PCLO: variants seen among roughly 807,000 people sequenced by gnomAD.
PCLO encodes the protein piccolo presynaptic cytomatrix protein.
In PCLO, 82 loss-of-function variants were observed where a neutral mutation model predicts 427.5. That is an observed-to-expected ratio of 0.19 (90% CI 0.16 to 0.23). PCLO has a LOEUF of 0.23. PCLO is among the 10% of genes least tolerant of loss of function. The pLI is 1.00. For synonymous variants in PCLO, 2,357 were observed against 2,155.4 expected, an observed-to-expected ratio of 1.09 and a Z score of -2.59; for missense variants, 6,239 against 6,115.9, an observed-to-expected ratio of 1.02 and a Z score of -0.67.
chr7:83,025,623 G>A (rs539814727), intron 3 of PCLO, among the ~76,000 whole-genome samples: 40 of 152,026 alleles, frequency 2.6e-4, no homozygotes, highest in East Asian at 7.8e-4. Context: ...GATACTCCTC[G>A]AGAAGAGCAA....
chr7:82,899,189 T>C lies in PCLO; in HGVS notation c.13528+3462A>G, dbSNP rs150159799. The stretch of plus-strand genomic sequence containing the variant: ...CAATTTAAAAAATACATAAACTCAA[T>C]TAAAACATTAACATATAAATGAAAG... On this transcript the variant is annotated intron_variant, in intron 9 of 24. Coordinates refer to ENST00000333891, the MANE Select transcript of PCLO (RefSeq NM_033026.6). Among the ~76,000 whole-genome samples, 486 of 151,488 alleles carry C rather than the reference T, an allele frequency of 3.2e-3. 3 individuals carry two copies. Among genetic ancestry groups the C allele is most frequent in the African/African-American group, 0.012 (477 of 41,468 alleles).
chr7:82,934,941 ATCAC>A (rs1351926332), intron 6 of PCLO, among the ~76,000 whole-genome samples: 1 of 151,476 alleles, frequency 6.6e-6, no homozygotes, highest in Admixed American at 6.6e-5. Context: ...CTCTAATAGT[ATCAC>A]TCAAAGTTCC....
chr7:83,012,326 A>G (rs1788101321), intron 3 of PCLO, among the ~76,000 whole-genome samples: 1 of 152,064 alleles, frequency 6.6e-6, no homozygotes, highest in African/African-American at 2.4e-5. Flanking sequence ...ATTGTTTTTA[A>G]GGAAAAGCCA....
chr7:83,124,683 A>T (rs1300417309), intron 3 of PCLO, among the ~76,000 whole-genome samples: 1 of 152,144 alleles, frequency 6.6e-6, no homozygotes, highest in Non-Finnish European at 1.5e-5. Flanking sequence ...AAAGAAAGGG[A>T]ATATGTGTAT....
intron 8 of PCLO, among the ~76,000 whole-genome samples, chr7:82,907,346 CA>C (rs1290861789): frequency 6.6e-6 from 1 of 151,798 alleles, no homozygotes; most frequent in Non-Finnish European, 1.5e-5. Flanking sequence ...CACTAAACTT[CA>C]GAGAAACAAA....
In PCLO at chr7:82,830,334, T is replaced by A. The variant is rs949476647; in HGVS notation, c.14250-2368A>T. ...TCCTTTAAATTTAGTTTTGGATTCTTTTTTTGATGGTGACTTAGAACTAAT... is the reference window on the plus strand; with the variant it reads ...TCCTTTAAATTTAGTTTTGGATTCTATTTTTGATGGTGACTTAGAACTAAT... On this transcript the variant is annotated intron_variant, in intron 16 of 24. Transcript: ENST00000333891. Among the ~76,000 whole-genome samples, 3 of 152,076 alleles carry A rather than the reference T, an allele frequency of 2.0e-5. No homozygotes were observed. In the East Asian group the frequency reaches 5.8e-4, roughly 29 times the overall value.
intron 7 of PCLO, among the ~76,000 whole-genome samples, chr7:82,913,638 T>A (rs1794376628): frequency 6.6e-6 from 1 of 152,066 alleles, no homozygotes; most frequent in African/African-American, 2.4e-5. Context: ...TCCTCCCTCA[T>A]CTTCAATATT....
chr7:82,986,309 CCAAA>C (rs532451940), intron 3 of PCLO, among the ~76,000 whole-genome samples: 20 of 151,154 alleles, frequency 1.3e-4, no homozygotes, highest in South Asian at 1.0e-3. Context: ...AGCTTTCTTC[CCAAA>C]CAGATTTTTT....
At chr7:82,774,749 C>T (rs746217864) in intron 22 of PCLO, among the ~76,000 whole-genome samples, 6 of 152,124 alleles carry the variant, frequency 3.9e-5, no homozygotes, top group Non-Finnish European at 7.4e-5. Flanking sequence ...ACACATGATA[C>T]ATCAGTATCG....
intron 3 of PCLO, among the ~76,000 whole-genome samples, chr7:83,106,757 A>G (rs1790867665): frequency 6.6e-6 from 1 of 152,160 alleles, no homozygotes; most frequent in East Asian, 1.9e-4. Flanking sequence ...CTAAGTCAAC[A>G]TTCCCAGAAG....
At chr7:82,999,321 TGTAATAA>T (rs1787719055) in intron 3 of PCLO, among the ~76,000 whole-genome samples, 1 of 139,128 alleles carries the variant, frequency 7.2e-6, no homozygotes, top group African/African-American at 2.7e-5. Context: ...TATATGGATA[TGTAATAA>T]ATATATCCAT....
rs376633834 is a variant in PCLO, at chr7:83,156,305, T to C, written c.336A>G (p.Lys112=). 3.7e-6 allele frequency: 6 copies of C among 1,613,548 alleles called. No individual in the cohort carries two copies. In the African/African-American group the frequency reaches 8.0e-5, roughly 22 times the overall value. ...ACCTGAAAGTGTCTGTAGTTCTACT[T>C]TTACTGAGACCAGGTTGAGCTGGAC... ...PGRPAQPGLS[K]SRTTDTFRSE... is the part of the protein sequence containing the mutation. The change falls in exon 2 of 25, where the codon AAA becomes AAG. Residue 112 remains lysine, a synonymous_variant. Coordinates refer to ENST00000333891, the MANE Select transcript of PCLO (RefSeq NM_033026.6).
intron 16 of PCLO, among the ~76,000 whole-genome samples, chr7:82,832,078 T>C (rs2115717196): frequency 6.6e-6 from 1 of 152,226 alleles, no homozygotes; most frequent in Middle Eastern, 3.4e-3. Context: ...CTATATTCTC[T>C]TGTGGGAAGA....
intron 3 of PCLO, among the ~76,000 whole-genome samples, chr7:83,013,054 C>A (rs1436244666): frequency 2.0e-5 from 3 of 152,076 alleles, no homozygotes; most frequent in Admixed American, 2.0e-4. Flanking sequence ...TCAATATACA[C>A]CTTGCTGCTC....
chr7:83,050,717 A>G (rs1328257605), intron 3 of PCLO, among the ~76,000 whole-genome samples: 1 of 149,998 alleles, frequency 6.7e-6, no homozygotes, highest in African/African-American at 2.5e-5. Context: ...CCTGGCCAAC[A>G]GGGTAAAAAA....
chr7:83,155,575 G>A lies in PCLO; in HGVS notation c.1066C>T (p.Pro356Ser), dbSNP rs764591916. 1 of 1,612,238 alleles carries A rather than the reference G, an allele frequency of 6.2e-7. No homozygotes were observed. The highest frequency in any genetic ancestry group is 1.1e-5 in the South Asian group (1 of 90,854). ...PGTVKPPVQP[P>S]GTTKPPAQPL... ...TGAGCTGGAGGCTTTGTTGTCCCTG[G>A]TGGCTGGACTGGGGGTTTCACTGTC... Residue 356 changes from proline to serine, a missense_variant, in exon 2 of 25, where the codon CCA (proline) becomes TCA (serine). Physicochemically the swap from Pro to Ser is moderately conservative, Grantham distance 74. Around this residue, in one of 5 missense-constraint regions of PCLO, gnomAD observed 4,677 missense variants for 4,468.4 expected, o/e 1.05. Transcript: ENST00000333891.
rs529537482 is a variant in PCLO at position 83,118,839 on chromosome 7, T to A, written c.3300+15411A>T. Among the ~76,000 whole-genome samples, 29 of 152,162 alleles carry A rather than the reference T, an allele frequency of 1.9e-4. No individual in the cohort carries two copies. In the South Asian group the frequency reaches 6.0e-3, roughly 32 times the overall value. On this transcript the variant is annotated intron_variant, in intron 3 of 24. Coordinates refer to ENST00000333891, the MANE Select transcript of PCLO (RefSeq NM_033026.6). Reference sequence around the variant, plus strand: ...TGGTGGTGTGCTAGGCTCAGAACAGTGGAGCTGGGGTGCATTCTAGCCAAT... The same window carrying A: ...TGGTGGTGTGCTAGGCTCAGAACAGAGGAGCTGGGGTGCATTCTAGCCAAT...
chr7:83,024,410 C>A (rs779267717), intron 3 of PCLO, among the ~76,000 whole-genome samples: 1 of 152,196 alleles, frequency 6.6e-6, no homozygotes, highest in African/African-American at 2.4e-5. Flanking sequence ...GCTTAAAAAA[C>A]GGCGCAGCAC....
Position 82,953,951 on chromosome 7 carries a change from G to C in PCLO, c.7002C>G (p.Ser2334Arg). 6.2e-7 allele frequency: 1 copy of C among 1,613,926 alleles called. No homozygotes were observed. The stretch of plus-strand genomic sequence containing the variant: ...GGTGATCAAACACGGTTTCGGATAA[G>C]CTACTTTTTGTTCGTTCGGCCTCCA... ...KELEAERTKS[S>R]LSETVFDHPP... The change falls in exon 5 of 25, where the codon AGC (serine) becomes AGG (arginine). Residue 2334 changes from serine (S) to arginine (R), a missense_variant. Ser to Arg is a moderately radical substitution (Grantham distance 110, BLOSUM62 -1). This residue lies in a region of PCLO where 4,677 missense variants were observed against 4,468.4 expected (regional missense o/e 1.05). Coordinates refer to ENST00000333891, the MANE Select transcript of PCLO (RefSeq NM_033026.6).
Sources: allele counts gnomAD v4.1 joint callset (sites outside exome capture counted in the v4.1 genomes callset), GRCh38; gene constraint gnomAD v4.1.1; regional missense constraint gnomAD v4.1.1; transcripts MANE v1.5; gene names NCBI Gene and HGNC (gene_info 2026-07-23, HGNC 2026-07-21).